The following ZSWIM6 variants were observed in gnomAD, a reference collection of about 807,000 sequenced individuals.
ZSWIM6 encodes zinc finger SWIM-type containing 6.
Under a neutral mutation model 113.2 loss-of-function variants are expected in ZSWIM6, and 9 were observed. That is an observed-to-expected ratio of 0.08 (90% CI 0.05 to 0.14). ZSWIM6 has a LOEUF of 0.14. Ranked by LOEUF, ZSWIM6 falls within the 10% of genes least tolerant of loss-of-function variation. The pLI, the probability that ZSWIM6 is intolerant of heterozygous loss-of-function variation, is 1.00. For missense variants in ZSWIM6, 1,162 were observed against 1,552.2 expected, an observed-to-expected ratio of 0.75 and a Z score of 4.22; for synonymous variants, 611 against 606.5, an observed-to-expected ratio of 1.01 and a Z score of -0.11.
chr5:61,426,837 A>C (rs1307521483), intron 1 of ZSWIM6, among the ~76,000 whole-genome samples: 1 of 151,368 alleles, frequency 6.6e-6, no homozygotes, highest in Non-Finnish European at 1.5e-5. Flanking sequence ...CTCATGATTA[A>C]ATTCAGGCTG....
intron 1 of ZSWIM6, among the ~76,000 whole-genome samples, chr5:61,458,831 T>C (rs918285506): frequency 6.8e-6 from 1 of 147,862 alleles, no homozygotes; most frequent in Admixed American, 6.8e-5. Context: ...TGAGCCGAGA[T>C]CATGCCACTG....
At chr5:61,368,220 G>T (rs1315267696) in intron 1 of ZSWIM6, among the ~76,000 whole-genome samples, 1 of 118,434 alleles carries the variant, frequency 8.4e-6, no homozygotes, top group African/African-American at 2.9e-5. Context: ...ACATGATAAA[G>T]AACTCAAAAC....
chr5:61,415,282 CAT>C (rs553217646), intron 1 of ZSWIM6, among the ~76,000 whole-genome samples: 2 of 152,096 alleles, frequency 1.3e-5, no homozygotes, highest in South Asian at 4.1e-4. Context: ...TGATGTATGA[CAT>C]AGGAATATTT....
At chr5:61,374,525 G>A (rs940615526) in intron 1 of ZSWIM6, among the ~76,000 whole-genome samples, 7 of 152,096 alleles carry the variant, frequency 4.6e-5, no homozygotes, top group Non-Finnish European at 1.0e-4. Context: ...GTACTTGGTG[G>A]AGCAAAATTG....
chr5:61,529,650 C>T (rs1749377259), intron 7 of ZSWIM6, among the ~76,000 whole-genome samples: 1 of 152,180 alleles, frequency 6.6e-6, no homozygotes, highest in African/African-American at 2.4e-5. Context: ...CTTCTTAGTC[C>T]TCTCTAATGC....
At chr5:61,373,516 T>C (rs1745308929) in intron 1 of ZSWIM6, among the ~76,000 whole-genome samples, 1 of 152,146 alleles carries the variant, frequency 6.6e-6, no homozygotes, top group South Asian at 2.1e-4. Flanking sequence ...ATCATACTGC[T>C]GCTACCACTG....
At chr5:61,372,713 A>G (rs143561499) in intron 1 of ZSWIM6, among the ~76,000 whole-genome samples, 54 of 152,168 alleles carry the variant, frequency 3.5e-4, no homozygotes, top group African/African-American at 1.3e-3. Flanking sequence ...ATCTTTATTT[A>G]TTTGTTACAC....
At chr5:61,353,763 A>G (rs988499831) in intron 1 of ZSWIM6, among the ~76,000 whole-genome samples, 2 of 146,376 alleles carry the variant, frequency 1.4e-5, no homozygotes, top group African/African-American at 5.1e-5. Flanking sequence ...AGTGACATAA[A>G]TACTTTGACT....
intron 1 of ZSWIM6, among the ~76,000 whole-genome samples, chr5:61,340,449 C>T (rs755453692): frequency 1.3e-5 from 2 of 152,266 alleles, no homozygotes; most frequent in Non-Finnish European, 2.9e-5. Flanking sequence ...ATTTCAGTGA[C>T]CCCTCTGTAC....
At chr5:61,382,511 G>T (rs534990262) in intron 1 of ZSWIM6, among the ~76,000 whole-genome samples, 66 of 152,150 alleles carry the variant, frequency 4.3e-4, no homozygotes, top group Non-Finnish European at 8.2e-4. Flanking sequence ...TGTGTAGAAA[G>T]AAAAAATTTG....
chr5:61,408,298 C>A (rs540764757), intron 1 of ZSWIM6, among the ~76,000 whole-genome samples: 1 of 152,102 alleles, frequency 6.6e-6, no homozygotes, highest in Non-Finnish European at 1.5e-5. Flanking sequence ...AACTGAGGGA[C>A]GAAGTTGGAG....
chr5:61,426,122 G>T (rs558655843), intron 1 of ZSWIM6, among the ~76,000 whole-genome samples: 1 of 152,298 alleles, frequency 6.6e-6, no homozygotes, highest in Non-Finnish European at 1.5e-5. Flanking sequence ...CTGACATCAT[G>T]AGGCAGTTTA....
chr5:61,531,377 T>C lies in ZSWIM6; in HGVS notation c.1985-88T>C, dbSNP rs144319488. 1.7e-3 allele frequency: 2,372 copies of C among 1,401,450 alleles called. 15 individuals carry two copies. The highest frequency in any genetic ancestry group is 1.1e-3 in the Non-Finnish European group (1,135 of 1,054,920). 86.8% of individuals were successfully genotyped at this position (1,401,450 alleles called of 1,614,324 possible). A position where few individuals can be genotyped will look rare whatever the true frequency, so the allele number is the denominator to read the frequency against. On this transcript the variant is annotated intron_variant, in intron 8 of 13. Coordinates refer to ENST00000252744, the MANE Select transcript of ZSWIM6 (RefSeq NM_020928.2). ...CAGCATTAATCCATAATTCATTTGC[T>C]TGTACGGGGAAGTATAAATATTTGT... is the stretch of plus-strand genomic sequence containing the variant.
intron 4 of ZSWIM6, among the ~76,000 whole-genome samples, chr5:61,495,111 G>A (rs1748282116): frequency 6.6e-6 from 1 of 152,038 alleles, no homozygotes. Flanking sequence ...CTGAAATTTT[G>A]ACAAATATAT....
intron 1 of ZSWIM6, chr5:61,375,349 T>C (rs1214748865): frequency 1.2e-6 from 2 of 1,602,612 alleles, no homozygotes; most frequent in African/African-American, 1.3e-5. Context: ...CAGAGAGAAA[T>C]TGTTAAGTGG....
intron 2 of ZSWIM6, among the ~76,000 whole-genome samples, chr5:61,488,428 A>G (rs1748083417): frequency 6.6e-6 from 1 of 152,004 alleles, no homozygotes; most frequent in Non-Finnish European, 1.5e-5. Context: ...TTTCAAGACA[A>G]TTAGTATTAG....
At chr5:61,340,156 C>G (rs1485031474) in intron 1 of ZSWIM6, among the ~76,000 whole-genome samples, 1 of 151,830 alleles carries the variant, frequency 6.6e-6, no homozygotes, top group African/African-American at 2.4e-5. Context: ...TTTTTTTCAT[C>G]TAGAAAAGAT....
Position 61,472,912 on chromosome 5 carries a change from A to G in ZSWIM6, c.908A>G (p.Asn303Ser). Residue 303 changes from asparagine (N) to serine (S), a missense_variant, in exon 2 of 14, where the codon AAT becomes AGT. Physicochemically the swap from Asn to Ser is conservative, Grantham distance 46. Transcript: ENST00000252744. The surrounding 1 kb of genome is among the most constrained non-coding windows in gnomAD (Gnocchi z 4.1). The part of the protein sequence containing the change: ...LPISETLFQM[N>S]RDQLQKFVQY... ...ATTTCAGAGACTCTCTTTCAAATGA[A>G]TAGAGACCAACTGCAAAAGTTTGTA... is the stretch of plus-strand genomic sequence containing the variant. 2 of 1,551,706 alleles carry G rather than the reference A, an allele frequency of 1.3e-6. No individual in the cohort carries two copies. Among genetic ancestry groups the G allele is most frequent in the Non-Finnish European group, 1.7e-6 (2 of 1,146,958 alleles).
At chr5:61,534,908 A>G (rs1035001505) in intron 9 of ZSWIM6, among the ~76,000 whole-genome samples, 3 of 152,076 alleles carry the variant, frequency 2.0e-5, no homozygotes, top group African/African-American at 7.2e-5. Context: ...TATTCTTTTT[A>G]TTAATAATCA....
Sources: gnomAD v4.1 joint callset for allele counts (sites outside exome capture counted in the v4.1 genomes callset) on GRCh38, gnomAD v4.1.1 for gene constraint, Gnocchi (gnomAD v3.1) non-coding constraint, MANE v1.5 for transcripts, NCBI Gene and HGNC (gene_info 2026-07-23, HGNC 2026-07-21) for gene names.